PRORP: variants seen among roughly 807,000 people sequenced by gnomAD.
The protein encoded by PRORP is protein only RNase P catalytic subunit, also known as mitochondrial ribonuclease P catalytic subunit.
PRORP carries 51 observed loss-of-function variants against 59.4 expected under a neutral mutation model. The observed-to-expected ratio is 0.86, with a 90% CI of 0.69 to 1.08. The LOEUF (loss-of-function observed/expected upper bound fraction) is 1.08, where lower values mean the gene tolerates loss of function less well. Among genes scored for constraint, PRORP ranks in the 50% least tolerant of loss-of-function variants. The pLI, the probability that PRORP is intolerant of heterozygous loss-of-function variation, is 0.00. For synonymous variants in PRORP, 231 were observed against 245.6 expected (o/e 0.94, Z 0.55); for missense variants, 646 against 690.3 (o/e 0.94, Z 0.72).
intron 4 of PRORP, among the ~76,000 whole-genome samples, chr14:35,172,946 C>T (rs1249182895): frequency 6.6e-6 from 1 of 151,542 alleles, no homozygotes; most frequent in Non-Finnish European, 1.5e-5. Context: ...TGGCTCACTG[C>T]AACCTTCACT....
At chr14:35,183,109 CTATT>C (rs1468929307) in intron 5 of PRORP, among the ~76,000 whole-genome samples, 2 of 151,986 alleles carry the variant, frequency 1.3e-5, no homozygotes, top group African/African-American at 4.8e-5. Flanking sequence ...TAGAATTGCT[CTATT>C]TATATTAAAA....
chr14:35,227,882 T>C (rs1372213594), intron 5 of PRORP, among the ~76,000 whole-genome samples: 1 of 152,084 alleles, frequency 6.6e-6, no homozygotes, highest in East Asian at 1.9e-4. Context: ...CAGTGGCTCA[T>C]GCCTGTAATC....
In PRORP at chr14:35,124,158, C is replaced by A. The variant is rs1037125675; in HGVS notation, c.913C>A (p.Leu305Ile). 1.3e-6 allele frequency: 2 copies of A among 1,599,368 alleles called. No homozygotes were observed. Among genetic ancestry groups the A allele is most frequent in the Non-Finnish European group, 1.7e-6 (2 of 1,170,730 alleles). The change falls in exon 2 of 8, where the codon CTT becomes ATT. Residue 305 changes from leucine (L) to isoleucine (I), a missense_variant. By Grantham distance (5) the Leu-to-Ile change is conservative. Transcript: ENST00000534898. Reference protein sequence around the residue: ...DNYSNKLLDILSYLRNNQLYP... With the variant: ...DNYSNKLLDIISYLRNNQLYP... ...CTATTCAAATAAACTACTAGATATT[C>A]TTTCATATCTAAGAAATAATCAGCT... is the stretch of plus-strand genomic sequence containing the variant.
At chr14:35,165,679 A>G (rs538167182) in intron 4 of PRORP, among the ~76,000 whole-genome samples, 1 of 151,074 alleles carries the variant, frequency 6.6e-6, no homozygotes, top group East Asian at 1.9e-4. Context: ...GCCCTTTAAA[A>G]TGTAAGGTTT....
intron 5 of PRORP, among the ~76,000 whole-genome samples, chr14:35,260,031 A>G (rs2138630119): frequency 1.1e-5 from 1 of 89,208 alleles, no homozygotes; most frequent in East Asian, 3.5e-4. Flanking sequence ...GAGCTTTTCC[A>G]GATAGGGTTT....
chr14:35,126,809 TG>T, intron 3 of PRORP, 27 bp downstream of exon 3: 2 of 1,578,862 alleles, frequency 1.3e-6, no homozygotes, highest in Non-Finnish European at 1.7e-6. Flanking sequence ...ATTTTTAACT[TG>T]TTTGATTTTG....
intron 4 of PRORP, among the ~76,000 whole-genome samples, chr14:35,132,713 T>C (rs1269663988): frequency 3.5e-5 from 5 of 141,558 alleles, no homozygotes; most frequent in African/African-American, 1.1e-4. Flanking sequence ...TTTGAACCCG[T>C]GAAGCGGAGG....
intron 5 of PRORP, among the ~76,000 whole-genome samples, chr14:35,201,620 T>C (rs2049151877): frequency 6.6e-6 from 1 of 151,596 alleles, no homozygotes. Context: ...AATGCCTCAT[T>C]GTATACAAAA....
At chr14:35,153,250 C>T (rs1032431366) in intron 4 of PRORP, among the ~76,000 whole-genome samples, 7 of 152,174 alleles carry the variant, frequency 4.6e-5, no homozygotes, top group Non-Finnish European at 7.4e-5. Context: ...ACCAGTCAGG[C>T]GTGGCGGTGC....
At chr14:35,136,439 A>G (rs1251915852) in intron 4 of PRORP, among the ~76,000 whole-genome samples, 7,249 of 129,072 alleles carry the variant, frequency 0.056, 463 homozygotes, top group East Asian at 0.18. Context: ...CAATGGCGCA[A>G]TCTCTGCTTA....
At chr14:35,200,633 A>G (rs1300468046) in intron 5 of PRORP, among the ~76,000 whole-genome samples, 1 of 151,576 alleles carries the variant, frequency 6.6e-6, no homozygotes, top group Middle Eastern at 3.2e-3. Context: ...CTTTTATGAT[A>G]TTTACTTATC....
chr14:35,136,163 G>A lies in PRORP; in HGVS notation c.1167+8552G>A, dbSNP rs140565877. Among the ~76,000 whole-genome samples the A allele has an allele frequency of 5.7e-4, 86 of 152,132 alleles. 2 individuals carry two copies. In the East Asian group the frequency reaches 0.014, roughly 25 times the overall value. On this transcript the variant is annotated intron_variant, in intron 4 of 7. Coordinates refer to ENST00000534898, the MANE Select transcript of PRORP (RefSeq NM_014672.4). ...GGTAGAGAAGGACCAGCTCAGCTTTGAGAACATTTTAGGAGATAAAAATTT... is the reference window on the plus strand; with the variant it reads ...GGTAGAGAAGGACCAGCTCAGCTTTAAGAACATTTTAGGAGATAAAAATTT...
chr14:35,131,648 C>A (rs2047241755), intron 4 of PRORP, among the ~76,000 whole-genome samples: 1 of 151,470 alleles, frequency 6.6e-6, no homozygotes, highest in Non-Finnish European at 1.5e-5. Flanking sequence ...CCTTCTTCAG[C>A]CTTCCGAGTA....
intron 4 of PRORP, among the ~76,000 whole-genome samples, chr14:35,162,658 A>G (rs1237279110): frequency 1.3e-5 from 2 of 151,738 alleles, no homozygotes; most frequent in African/African-American, 4.8e-5. Context: ...AATTTGTCAG[A>G]CTTTCCTTTT....
chr14:35,227,458 T>A (rs1021442610), intron 5 of PRORP, among the ~76,000 whole-genome samples: 2 of 151,774 alleles, frequency 1.3e-5, no homozygotes, highest in Non-Finnish European at 2.9e-5. Flanking sequence ...AAAAAAAAGT[T>A]ATGTTATGAC....
intron 4 of PRORP, chr14:35,158,899 G>C: frequency 3.3e-6 from 1 of 300,822 alleles, no homozygotes; most frequent in South Asian, 3.4e-5. Flanking sequence ...GATTAATGTT[G>C]TCTTTCCTGG....
intron 5 of PRORP, among the ~76,000 whole-genome samples, chr14:35,236,542 T>C (rs1291664481): frequency 3.3e-5 from 5 of 152,222 alleles, no homozygotes; most frequent in Admixed American, 3.3e-4. Context: ...AATTGCCAGT[T>C]TTGATGAACA....
rs565669675 is a variant in PRORP at position 35,188,991 on chromosome 14, A to G, written c.1275+8214A>G. ...TATTGCCTAATCCAAGGTCATGAAGATTAATGCCTATGTTTCTTCTAAGAG... is the reference window on the plus strand; with the variant it reads ...TATTGCCTAATCCAAGGTCATGAAGGTTAATGCCTATGTTTCTTCTAAGAG... On this transcript the variant is annotated intron_variant, in intron 5 of 7. Transcript: ENST00000534898. Among the ~76,000 whole-genome samples the G allele has an allele frequency of 4.7e-5, 7 of 150,232 alleles. No individual in the cohort carries two copies. The South Asian group carries it at 8.4e-4, about 18-fold the overall frequency.
At chr14:35,144,305 T>C (rs765816160) in intron 4 of PRORP, 1 of 146,238 alleles carries the variant, frequency 6.8e-6, no homozygotes, top group African/African-American at 2.4e-5. Context: ...CTGAGGATGT[T>C]TGGGCTACCT....
Sources: gnomAD v4.1 joint callset for allele counts (sites outside exome capture counted in the v4.1 genomes callset) on GRCh38, gnomAD v4.1.1 for gene constraint, MANE v1.5 for transcripts, NCBI Gene and HGNC (gene_info 2026-07-23, HGNC 2026-07-21) for gene names.